Variants in TMEM67 observed in about 807,000 individuals in gnomAD.
The protein encoded by TMEM67 is transmembrane protein 67, also known as meckelin.
TMEM67 carries 124 observed loss-of-function variants against 136.6 expected under a neutral mutation model. That is an observed-to-expected ratio of 0.91 (90% confidence interval 0.78 to 1.05). The LOEUF is 1.05. Ranked by LOEUF, TMEM67 falls within the 50% of genes least tolerant of loss-of-function variation. The probability of loss-of-function intolerance (pLI) is 0.00; values close to 1 mark genes in which losing one functional copy is unlikely to be tolerated. For missense variants in TMEM67, 1,107 were observed against 1,178.4 expected (o/e 0.94, Z 0.89); for synonymous variants, 364 against 390.5 (o/e 0.93, Z 0.80).
chr8:93,773,452 A>G (rs1313075932), intron 7 of TMEM67, among the ~76,000 whole-genome samples: 1 of 152,304 alleles, frequency 6.6e-6, no homozygotes, highest in Non-Finnish European at 1.5e-5. Flanking sequence ...TTGTTGGGGT[A>G]AGGGACCATT....
Position 93,781,002 on chromosome 8 carries a change from T to C in TMEM67, c.978+20T>C, listed in dbSNP as rs1221887498. On this transcript the variant is annotated intron_variant, in intron 9 of 27. Transcript: ENST00000453321. ...AACCAGGTAAAAGTGTCTAATATCATTAGAGGATAACTACATTTTGATTTA... is the reference window on the plus strand; with the variant it reads ...AACCAGGTAAAAGTGTCTAATATCACTAGAGGATAACTACATTTTGATTTA... 4 of 1,367,418 alleles carry C rather than the reference T, an allele frequency of 2.9e-6. No individual in the cohort carries two copies. The highest frequency in any genetic ancestry group is 4.2e-6 in the Non-Finnish European group (4 of 956,972). 84.7% of individuals were successfully genotyped at this position (1,367,418 alleles called of 1,614,324 possible).
At chr8:93,809,631 A>G (rs866373174) in intron 25 of TMEM67, among the ~76,000 whole-genome samples, 154 bp from the exon 26 acceptor site, 1 of 152,188 alleles carries the variant, frequency 6.6e-6, no homozygotes, top group African/African-American at 2.4e-5. Flanking sequence ...GAATTTTGTT[A>G]TAGGTTTCAA....
At chr8:93,779,072 T>C (rs1166549413) in intron 7 of TMEM67, among the ~76,000 whole-genome samples, 1 of 152,242 alleles carries the variant, frequency 6.6e-6, no homozygotes, top group Non-Finnish European at 1.5e-5. Flanking sequence ...CTTTTTTCTC[T>C]AACCTTGTCG....
At position 93,755,072 on chromosome 8, in the gene TMEM67, A is replaced by G. The variant is rs1812506006; in HGVS notation, c.158A>G (p.Gln53Arg). 2 of 1,614,214 alleles carry G rather than the reference A, an allele frequency of 1.2e-6. No individual in the cohort carries two copies. The highest frequency in any genetic ancestry group is 1.7e-5 in the Admixed American group (1 of 60,032). Residue 53 changes from glutamine (Q) to arginine (R), a missense_variant, in exon 1 of 28, where the codon CAG becomes CGG. Gln to Arg is a conservative substitution (Grantham distance 43). This residue lies in a region of TMEM67 where 178 missense variants were observed against 159.2 expected (regional missense o/e 1.12). Transcript: ENST00000453321. ...FQQPEKCDNN[Q>R]YFDISALSCV... ...CAGCCGGAGAAGTGCGACAACAACC[A>G]GTACTTTGATATCTCCGCCCTCTCG...
At chr8:93,812,013 G>C (rs1808721822) in intron 26 of TMEM67, among the ~76,000 whole-genome samples, 3 of 151,982 alleles carry the variant, frequency 2.0e-5, no homozygotes, top group African/African-American at 7.2e-5. Context: ...GCCGGGCATG[G>C]TGGTGCATGC....
intron 7 of TMEM67, among the ~76,000 whole-genome samples, chr8:93,772,932 G>A (rs1462115046): frequency 1.3e-5 from 2 of 151,924 alleles, no homozygotes; most frequent in African/African-American, 4.8e-5. Flanking sequence ...CTGTGTGCCG[G>A]GCCCAATTCT....
chr8:93,814,138 T>C (rs1487414502), intron 26 of TMEM67, among the ~76,000 whole-genome samples: 1 of 139,606 alleles, frequency 7.2e-6, no homozygotes, highest in Non-Finnish European at 1.6e-5. Context: ...ATGTATACTT[T>C]TTTTTTTTTT....
At chr8:93,822,496 A>C (rs2130811649), downstream of TMEM67, among the ~76,000 whole-genome samples, 1 of 152,366 alleles carries the variant, frequency 6.6e-6, no homozygotes, top group South Asian at 2.1e-4. Flanking sequence ...GGCTGACAGC[A>C]GATGGCAGTG....
the TMEM67 span, among the ~76,000 whole-genome samples, chr8:93,831,611 C>G: frequency 6.6e-6 from 1 of 152,186 alleles, no homozygotes; most frequent in East Asian, 1.9e-4. Flanking sequence ...TATGAAAAGC[C>G]CTGCCTCCTT....
At chr8:93,780,832 A>C in intron 8 of TMEM67, 42 bp from the exon 9 acceptor site, 1 of 1,592,234 alleles carries the variant, frequency 6.3e-7, no homozygotes, top group Non-Finnish European at 8.6e-7. Flanking sequence ...ATAATAAGAA[A>C]TATTTATTCT....
At chr8:93,773,507 G>A (rs1396132523) in intron 7 of TMEM67, among the ~76,000 whole-genome samples, 1 of 152,168 alleles carries the variant, frequency 6.6e-6, no homozygotes, top group Non-Finnish European at 1.5e-5. Context: ...GTGGACCATT[G>A]CACAAGGGTG....
Position 93,758,533 on chromosome 8 carries a change from A to G in TMEM67, c.363A>G (p.Leu121=). 6.2e-7 allele frequency: 1 copy of G among 1,614,068 alleles called. No individual in the cohort carries two copies. The highest frequency in any genetic ancestry group is 8.5e-7 in the Non-Finnish European group (1 of 1,179,964). ...ACTGCATTTCTTGCCCTAGTGACTT[A>G]ACTGCCGAAGGAAAATGTCACTGTC... is the stretch of plus-strand genomic sequence containing the variant. ...GWNCISCPSD[L]TAEGKCHCPI... is the part of the protein sequence containing the mutation. The change falls in exon 3 of 28, where the codon TTA becomes TTG. Residue 121 remains leucine, a synonymous_variant. Coordinates refer to ENST00000453321, the MANE Select transcript of TMEM67 (RefSeq NM_153704.6).
intron 17 of TMEM67, 51 bp downstream of exon 17, chr8:93,795,558 A>C: frequency 6.9e-7 from 1 of 1,447,608 alleles, no homozygotes; most frequent in Non-Finnish European, 9.7e-7. Flanking sequence ...AATAGTTGAA[A>C]AGCTTTCTTT....
intron 21 of TMEM67, among the ~76,000 whole-genome samples, chr8:93,801,209 T>C (rs960652552): frequency 1.3e-5 from 2 of 152,082 alleles, no homozygotes; most frequent in African/African-American, 4.8e-5. Flanking sequence ...AACAGCCTAT[T>C]TTTAAGAATC....
At position 93,808,774 on chromosome 8, in the gene TMEM67, A is replaced by G. The variant is rs1808570750; in HGVS notation, c.2440-66A>G. 12 of 1,008,764 alleles carry G rather than the reference A, an allele frequency of 1.2e-5. No homozygotes were observed. In the South Asian group the frequency reaches 1.4e-4, roughly 12 times the overall value. The allele number at this position is 1,008,764 out of a possible 1,614,324, so 62.5% of individuals were successfully genotyped here. A position where few individuals can be genotyped will look rare whatever the true frequency, so the allele number is the denominator to read the frequency against. Reference sequence around the variant, plus strand: ...GATAACAGCTAAAAAAAAGTTCTGTATTTTCTTTTTGAGGCAGGAAATTTT... The same window carrying G: ...GATAACAGCTAAAAAAAAGTTCTGTGTTTTCTTTTTGAGGCAGGAAATTTT... On this transcript the variant is annotated intron_variant, in intron 23 of 27. Coordinates refer to ENST00000453321, the MANE Select transcript of TMEM67 (RefSeq NM_153704.6).
In TMEM67 at chr8:93,803,287, A is replaced by G. The variant is rs533421052; in HGVS notation, c.2242-317A>G. Among the ~76,000 whole-genome samples, 6 of 152,316 alleles carry G rather than the reference A, an allele frequency of 3.9e-5. No homozygotes were observed. In the South Asian group the frequency reaches 1.2e-3, roughly 32 times the overall value. ...TGCAAACCCAAACATAAATCTGACC[A>G]TCGATGCATTGATATATCCTACATT... On this transcript the variant is annotated intron_variant, in intron 21 of 27. Transcript: ENST00000453321.
chr8:93,800,999 A>G (rs1327400310), intron 21 of TMEM67, among the ~76,000 whole-genome samples: 5 of 151,758 alleles, frequency 3.3e-5, no homozygotes, highest in Non-Finnish European at 4.4e-5. Flanking sequence ...AGTAGAGGCC[A>G]TAAAGAAAAA....
At position 93,797,151 on chromosome 8, in the gene TMEM67, T is replaced by C; in HGVS notation, c.1878T>C (p.His626=). ...AFALKALQFL[H]KLISQITIDV... is the part of the protein sequence containing the mutation. The stretch of plus-strand genomic sequence containing the variant: ...ATTCTCAGGCACTACAATTTTTGCA[T>C]AAGCTCATATCCCAGATTACAATAG... The change falls in exon 19 of 28, where the codon CAT becomes CAC. Residue 626 remains histidine (H), a synonymous_variant. Coordinates refer to ENST00000453321, the MANE Select transcript of TMEM67 (RefSeq NM_153704.6). The C allele has an allele frequency of 6.2e-7, 1 of 1,610,030 alleles. No homozygotes were observed. Among genetic ancestry groups the C allele is most frequent in the Non-Finnish European group, 8.5e-7 (1 of 1,176,712 alleles).
chr8:93,776,630 T>C (rs770652508), intron 7 of TMEM67, among the ~76,000 whole-genome samples: 1 of 152,192 alleles, frequency 6.6e-6, no homozygotes, highest in Non-Finnish European at 1.5e-5. Flanking sequence ...TTGTCATTGG[T>C]TCTGTTTATG....
Sources: gnomAD v4.1 joint callset for allele counts (sites outside exome capture counted in the v4.1 genomes callset) on GRCh38, gnomAD v4.1.1 for gene constraint, gnomAD v4.1.1 regional missense constraint, MANE v1.5 for transcripts, NCBI Gene and HGNC (gene_info 2026-07-23, HGNC 2026-07-21) for gene names.